TRPM6: variants seen among roughly 807,000 people sequenced by gnomAD.
The protein encoded by TRPM6 is transient receptor potential cation channel subfamily M member 6, also known as channel kinase 2.
A neutral mutation model predicts 247.6 loss-of-function variants in TRPM6; 111 were observed. The observed-to-expected ratio is 0.45, with a 90% CI of 0.38 to 0.52. The LOEUF is 0.52. TRPM6 is among the 20% of genes least tolerant of loss of function. The pLI, the probability that TRPM6 is intolerant of heterozygous loss-of-function variation, is 0.00. For synonymous variants in TRPM6, 892 were observed against 853.8 expected (o/e 1.04, Z -0.78); for missense variants, 2,126 against 2,421.5 (o/e 0.88, Z 2.56).
chr9:74,851,874 C>T (rs1439218947), intron 3 of TRPM6, among the ~76,000 whole-genome samples: 1 of 150,952 alleles, frequency 6.6e-6, no homozygotes, highest in African/African-American at 2.4e-5. Flanking sequence ...GCGGTGGCTC[C>T]CAGCACTTTG....
At chr9:74,743,045 A>G (rs1185161278) in intron 32 of TRPM6, among the ~76,000 whole-genome samples, 1 of 152,202 alleles carries the variant, frequency 6.6e-6, no homozygotes, top group East Asian at 1.9e-4. Context: ...CTTTTTCCAG[A>G]GAGAGCCGAA....
At chr9:74,801,777 T>C in intron 16 of TRPM6, 121 bp downstream of exon 16, 1 of 1,222,986 alleles carries the variant, frequency 8.2e-7, no homozygotes, top group Non-Finnish European at 1.2e-6. Context: ...AACAGGAGAG[T>C]CCATAAAATG....
intron 16 of TRPM6, among the ~76,000 whole-genome samples, 199 bp from the exon 17 acceptor site, chr9:74,800,681 TA>T (rs1346607721): frequency 4.7e-5 from 7 of 149,220 alleles, no homozygotes; most frequent in African/African-American, 1.7e-4. Context: ...TTCCAGAAAC[TA>T]TTTGAAAGGA....
At chr9:74,789,578 C>T (rs1827820983) in intron 19 of TRPM6, among the ~76,000 whole-genome samples, 1 of 152,180 alleles carries the variant, frequency 6.6e-6, no homozygotes, top group African/African-American at 2.4e-5. Context: ...TACCAAATTA[C>T]ACTATTATCA....
intron 1 of TRPM6, among the ~76,000 whole-genome samples, chr9:74,860,119 CAG>C (rs1351483417): frequency 6.6e-6 from 1 of 152,050 alleles, no homozygotes; most frequent in Non-Finnish European, 1.5e-5. Flanking sequence ...AGGAGAAAAA[CAG>C]AGATTAGTTG....
In TRPM6 at chr9:74,821,818, C is replaced by A; in HGVS notation, c.861G>T (p.Pro287=). Residue 287 remains proline, a synonymous_variant, in exon 8 of 39, where the codon CCG becomes CCT. Coordinates refer to ENST00000360774, the MANE Select transcript of TRPM6 (RefSeq NM_017662.5). ...KIHCRSRQGV[P]VVGLVVEGGP... ...CGCCTTCCACCACCAGCCCCACGAC[C>A]GGCACGCCTTGTCTTGAGCCTATTC... The A allele has an allele frequency of 6.2e-7, 1 of 1,614,134 alleles. No homozygotes were observed. The highest frequency in any genetic ancestry group is 8.5e-7 in the Non-Finnish European group (1 of 1,180,024).
At position 74,858,691 on chromosome 9, in the gene TRPM6, G is replaced by A. The variant is rs1040430178; in HGVS notation, c.91C>T (p.Pro31Ser). 7 of 1,613,118 alleles carry A rather than the reference G, an allele frequency of 4.3e-6. No homozygotes were observed. The highest frequency in any genetic ancestry group is 4.2e-6 in the Non-Finnish European group (5 of 1,179,590). ...FDKRECSTII[P>S]SSKNPHRCTP... The stretch of plus-strand genomic sequence containing the variant: ...TACCTGTGAGGATTTTTTGAGCTGG[G>A]TATGATTGTGCTACATTCTCTCTTG... Residue 31 changes from proline to serine, a missense_variant, in exon 2 of 39, where the codon CCC becomes TCC. Physicochemically the swap from Pro to Ser is moderately conservative, Grantham distance 74. Coordinates refer to ENST00000360774, the MANE Select transcript of TRPM6 (RefSeq NM_017662.5).
Position 74,723,903 on chromosome 9 carries a change from TA to T in TRPM6, c.*709del, listed in dbSNP as rs1478267190. On this transcript the variant is annotated 3_prime_UTR_variant, in exon 39 of 39. Coordinates refer to ENST00000360774, the MANE Select transcript of TRPM6 (RefSeq NM_017662.5). Reference sequence around the variant, plus strand: ...TATATTATATATATAAAAATATATATAATATACATATTCCATATATATTATA... The same window carrying T: ...TATATTATATATATAAAAATATATATATATACATATTCCATATATATTATA... 6.9e-6 allele frequency: 1 copy of T among 145,954 alleles called. No homozygotes were observed. Among genetic ancestry groups the T allele is most frequent in the African/African-American group, 2.5e-5 (1 of 40,070 alleles). 9.0% of individuals were successfully genotyped at this position (145,954 alleles called of 1,614,324 possible).
At chr9:74,748,020 T>A in intron 30 of TRPM6, 106 bp from the exon 31 acceptor site, 7 of 1,034,062 alleles carry the variant, frequency 6.8e-6, no homozygotes, top group African/African-American at 1.6e-5. Context: ...AAGTATATAT[T>A]TTATATACAT....
intron 24 of TRPM6, among the ~76,000 whole-genome samples, chr9:74,773,181 G>GTCTTA (rs1827109776): frequency 6.6e-6 from 1 of 152,066 alleles, no homozygotes. Flanking sequence ...TGAACACTAG[G>GTCTTA]TCTTATTTCT....
intron 25 of TRPM6, among the ~76,000 whole-genome samples, chr9:74,767,389 A>T (rs1826863772): frequency 6.6e-6 from 1 of 152,226 alleles, no homozygotes; most frequent in Non-Finnish European, 1.5e-5. Flanking sequence ...AGTAAGATTT[A>T]AAACAGCCTT....
chr9:74,728,585 C>T (rs768435396), intron 37 of TRPM6, among the ~76,000 whole-genome samples: 18 of 152,150 alleles, frequency 1.2e-4, no homozygotes, highest in Non-Finnish European at 1.2e-4. Flanking sequence ...GGCATTTCAA[C>T]GCTAATCTGA....
intron 1 of TRPM6, among the ~76,000 whole-genome samples, chr9:74,879,972 G>A (rs1022297367): frequency 6.6e-6 from 1 of 152,052 alleles, no homozygotes; most frequent in Non-Finnish European, 1.5e-5. Context: ...CCCAACTTGT[G>A]TGATCTGGCA....
rs1164786248 is a variant in TRPM6 at position 74,762,407 on chromosome 9, G to C, written c.4264C>G (p.Gln1422Glu). The stretch of plus-strand genomic sequence containing the variant: ...GTGCAACTCAAAGTGGGTAGCACTT[G>C]CTCTGCCTTGTCTTGTCCATCCAGT... ...HLLDGQDKAEQVLPTLSCTPE... is the reference protein window; with the variant it reads ...HLLDGQDKAEEVLPTLSCTPE... Residue 1422 changes from glutamine (Q) to glutamate (E), a missense_variant, in exon 26 of 39, where the codon CAA (glutamine) becomes GAA (glutamate). Gln to Glu is a conservative substitution (Grantham distance 29). This residue lies in a region of TRPM6 where 717 missense variants were observed against 715.9 expected (regional missense o/e 1.00). Coordinates refer to ENST00000360774, the MANE Select transcript of TRPM6 (RefSeq NM_017662.5). 3 of 1,614,068 alleles carry C rather than the reference G, an allele frequency of 1.9e-6. No individual in the cohort carries two copies. The highest frequency in any genetic ancestry group is 2.5e-6 in the Non-Finnish European group (3 of 1,180,048).
intron 3 of TRPM6, among the ~76,000 whole-genome samples, chr9:74,843,638 C>T (rs1424842819): frequency 6.6e-6 from 1 of 150,828 alleles, no homozygotes; most frequent in Non-Finnish European, 1.5e-5. Context: ...GAAACCCCGT[C>T]TCTACTAAAA....
intron 2 of TRPM6, 150 bp from the exon 3 acceptor site, chr9:74,855,715 C>A: frequency 1.5e-6 from 1 of 667,038 alleles, no homozygotes. Context: ...TCCATTATGG[C>A]ATTTACCACA....
chr9:74,785,926 A>G lies in TRPM6; in HGVS notation c.2867T>C (p.Phe956Ser), dbSNP rs1190907985. ...IIFWFSRLLDFFAVNQHAGPY... is the reference protein window; with the variant it reads ...IIFWFSRLLDSFAVNQHAGPY... ...ACCTGCATGTTGATTCACAGCAAAG[A>G]AGTCCAGGAGCCGTGAGAACCAGAA... The change falls in exon 21 of 39, where the codon TTC (phenylalanine) becomes TCC (serine). Residue 956 changes from phenylalanine to serine, a missense_variant. Transcript: ENST00000360774. 1 of 1,614,232 alleles carries G rather than the reference A, an allele frequency of 6.2e-7. No individual in the cohort carries two copies. Among genetic ancestry groups the G allele is most frequent in the South Asian group, 1.1e-5 (1 of 91,090 alleles).
intron 1 of TRPM6, among the ~76,000 whole-genome samples, chr9:74,884,843 T>C (rs921129672): frequency 1.3e-5 from 2 of 152,052 alleles, no homozygotes; most frequent in Non-Finnish European, 2.9e-5. Flanking sequence ...TCCATCAAAA[T>C]GATAGAAGAA....
chr9:74,880,885 G>C (rs1413213657), intron 1 of TRPM6, among the ~76,000 whole-genome samples: 2 of 152,042 alleles, frequency 1.3e-5, no homozygotes, highest in Non-Finnish European at 2.9e-5. Flanking sequence ...AAAACAACGA[G>C]ACATCAATTA....
Sources: allele counts gnomAD v4.1 joint callset (sites outside exome capture counted in the v4.1 genomes callset), GRCh38; gene constraint gnomAD v4.1.1; regional missense constraint gnomAD v4.1.1; transcripts MANE v1.5; gene names NCBI Gene and HGNC (gene_info 2026-07-23, HGNC 2026-07-21).